SVEP1: variants seen among roughly 807,000 people sequenced by gnomAD.
SVEP1 encodes the protein sushi, von Willebrand factor type A, EGF and pentraxin domain-containing protein 1.
In SVEP1, 164 loss-of-function variants were observed where a neutral mutation model predicts 367.3. That is an observed-to-expected ratio of 0.45 (90% CI 0.39 to 0.51). SVEP1 has a LOEUF of 0.51. SVEP1 is among the 20% of genes least tolerant of loss of function. The pLI is 0.00. For missense variants in SVEP1, 4,117 were observed against 4,425.3 expected (o/e 0.93, Z 1.98); for synonymous variants, 1,666 against 1,611.6 (o/e 1.03, Z -0.81).
chr9:110,370,022 AT>A lies in SVEP1; in HGVS notation c.10601-7del, dbSNP rs1433085867. 1.5e-5 allele frequency: 24 copies of A among 1,611,166 alleles called. No individual in the cohort carries two copies. In the Admixed American group the frequency reaches 4.0e-4, roughly 27 times the overall value. ...GCAGGGAGACTGGCAAACAGCTGGA[AT>A]AAAAAACCCATGCATTTATTTAATT... On this transcript the variant is annotated splice_region_variant and splice_polypyrimidine_tract_variant and intron_variant, in intron 46 of 47. Transcript: ENST00000374469.
chr9:110,520,889 C>T (rs1251727811), intron 3 of SVEP1, among the ~76,000 whole-genome samples: 1 of 152,184 alleles, frequency 6.6e-6, no homozygotes, highest in Non-Finnish European at 1.5e-5. Context: ...GCTGTGCACT[C>T]CACAACTTCA....
chr9:110,436,548 A>T (rs1263796262), intron 27 of SVEP1, 44 bp from the exon 28 acceptor site: 1 of 1,585,464 alleles, frequency 6.3e-7, no homozygotes, highest in Non-Finnish European at 8.6e-7. Flanking sequence ...AACTGGCCTG[A>T]TGGTCTGTTA....
At chr9:110,477,170 G>T (rs924517036) in intron 13 of SVEP1, among the ~76,000 whole-genome samples, 13 of 151,990 alleles carry the variant, frequency 8.6e-5, no homozygotes, top group Non-Finnish European at 1.6e-4. Flanking sequence ...CCTTGTCATT[G>T]TCAGAAACTG....
At chr9:110,484,286 A>G (rs1395094135) in intron 9 of SVEP1, among the ~76,000 whole-genome samples, 1 of 152,190 alleles carries the variant, frequency 6.6e-6, no homozygotes, top group Non-Finnish European at 1.5e-5. Flanking sequence ...CTAGATGAAG[A>G]CAAAGAAAAG....
rs556929917 is a variant in SVEP1, at chr9:110,523,033, C to T, written c.965-8927G>A. On this transcript the variant is annotated intron_variant, in intron 3 of 47. Transcript: ENST00000374469. ...TGCTTTTATCATGCCACTTTTCTGCCCCAAGATCTTCAATCGCTCACTATT... is the reference window on the plus strand; with the variant it reads ...TGCTTTTATCATGCCACTTTTCTGCTCCAAGATCTTCAATCGCTCACTATT... Among the ~76,000 whole-genome samples, 25 of 152,214 alleles carry T rather than the reference C, an allele frequency of 1.6e-4. No homozygotes were observed. The South Asian group carries it at 4.8e-3, about 29-fold the overall frequency.
At chr9:110,430,621 A>G (rs1026895864) in intron 32 of SVEP1, among the ~76,000 whole-genome samples, 171 bp from the exon 33 acceptor site, 1 of 152,230 alleles carries the variant, frequency 6.6e-6, no homozygotes, top group Non-Finnish European at 1.5e-5. Context: ...AGACCAGAAC[A>G]TACATTTAAT....
rs1008158206 is a variant in SVEP1 at position 110,546,231 on chromosome 9, T to G, written c.848A>C (p.Glu283Ala). 7 of 1,589,846 alleles carry G rather than the reference T, an allele frequency of 4.4e-6. No homozygotes were observed. Among genetic ancestry groups the G allele is most frequent in the African/African-American group, 1.3e-5 (1 of 74,538 alleles). ...CATTCGGTCACAGCAGTCCTTGCCT[T>G]CATCACAAAGATATGAGCAGTGGAC... Reference protein sequence around the residue: ...DMVHCSYLCDEGKDCCDRMGS... With the variant: ...DMVHCSYLCDAGKDCCDRMGS... The change falls in exon 3 of 48, where the codon GAA (glutamate) becomes GCA (alanine). Residue 283 changes from glutamate (E) to alanine (A), a missense_variant. Glu to Ala is a moderately radical substitution (Grantham distance 107, BLOSUM62 -1). Coordinates refer to ENST00000374469, the MANE Select transcript of SVEP1 (RefSeq NM_153366.4).
chr9:110,483,693 T>A lies in SVEP1; in HGVS notation c.1931A>T (p.Asp644Val). ...ASCIFHIKVI[D>V]AEPPVIDWCR... ...CCAGTCTATGACAGGTGGTTCTGCA[T>A]CTGAAGAACATGAAATCAGACAAAG... Residue 644 changes from aspartate (D) to valine (V), a missense_variant and splice_region_variant, in exon 10 of 48, where the codon GAT (aspartate) becomes GTT (valine). By Grantham distance (152) the Asp-to-Val change is radical. Around this residue, in one of 4 missense-constraint regions of SVEP1, gnomAD observed 2,174 missense variants for 2,494.3 expected, o/e 0.87. Transcript: ENST00000374469. 1.3e-6 allele frequency: 2 copies of A among 1,582,772 alleles called. No individual in the cohort carries two copies. The highest frequency in any genetic ancestry group is 1.7e-6 in the Non-Finnish European group (2 of 1,165,762).
chr9:110,548,981 A>G (rs1223542496), intron 2 of SVEP1, among the ~76,000 whole-genome samples: 1 of 152,174 alleles, frequency 6.6e-6, no homozygotes, highest in African/African-American at 2.4e-5. Flanking sequence ...TTTTAAAAAG[A>G]AACTCCAGTA....
At chr9:110,545,968 T>C (rs937743818) in intron 3 of SVEP1, 147 bp downstream of exon 3, 5 of 990,010 alleles carry the variant, frequency 5.1e-6, no homozygotes, top group Non-Finnish European at 5.9e-6. Context: ...AATAAATGAG[T>C]CAGCACAGCT....
In SVEP1 at chr9:110,366,414, G is replaced by T; in HGVS notation, c.*125C>A. On this transcript the variant is annotated 3_prime_UTR_variant, in exon 48 of 48. Coordinates refer to ENST00000374469, the MANE Select transcript of SVEP1 (RefSeq NM_153366.4). ...CACAAAATAAAAAAAGTAACCCCAA[G>T]TAACAAGTTTACTAAACAAGACCCA... The T allele has an allele frequency of 1.1e-6, 1 of 923,596 alleles. No individual in the cohort carries two copies. Among genetic ancestry groups the T allele is most frequent in the Non-Finnish European group, 1.5e-6 (1 of 669,462 alleles). The allele number at this position is 923,596 out of a possible 1,614,324, so 57.2% of individuals were successfully genotyped here.
intron 1 of SVEP1, 68 bp from the exon 2 acceptor site, chr9:110,550,172 C>G: frequency 1.3e-6 from 2 of 1,578,604 alleles, no homozygotes; most frequent in South Asian, 1.2e-5. Context: ...TCTCTTCTTA[C>G]GTAAGGCAGT....
chr9:110,462,182 A>G (rs980822785), intron 18 of SVEP1, among the ~76,000 whole-genome samples: 3 of 152,246 alleles, frequency 2.0e-5, no homozygotes, highest in Non-Finnish European at 4.4e-5. Context: ...AAGATGCTCA[A>G]AAAGAAAAGA....
Position 110,499,074 on chromosome 9 carries a change from A to C in SVEP1, c.1648T>G (p.Trp550Gly). 6.2e-7 allele frequency: 1 copy of C among 1,613,662 alleles called. No homozygotes were observed. The highest frequency in any genetic ancestry group is 8.5e-7 in the Non-Finnish European group (1 of 1,179,756). Residue 550 changes from tryptophan (W) to glycine (G), a missense_variant, in exon 7 of 48, where the codon TGG becomes GGG. Transcript: ENST00000374469. Reference sequence around the variant, plus strand: ...ACAGCTGCCTGAACTCCGACATTCCATTTTCCAGAAGTGGTACATCTCAGC... The same window carrying C: ...ACAGCTGCCTGAACTCCGACATTCCCTTTTCCAGAAGTGGTACATCTCAGC... ...EMLRCTTSGK[W>G]NVGVQAAVCK... is the part of the protein sequence containing the mutation.
At chr9:110,486,791 T>C (rs10980408) in intron 9 of SVEP1, among the ~76,000 whole-genome samples, 8,257 of 152,006 alleles carry the variant, frequency 0.054, 305 homozygotes, top group African/African-American at 0.11. Flanking sequence ...AATACAGGTG[T>C]GCGCCACCAC....
intron 46 of SVEP1, among the ~76,000 whole-genome samples, chr9:110,371,870 C>CA (rs879708772): frequency 0.016 from 2,367 of 152,302 alleles, no homozygotes; most frequent in African/African-American, 0.054. Flanking sequence ...ATGAATCTCT[C>CA]TATTGTAAGT....
At chr9:110,461,184 G>C (rs1193051449) in intron 18 of SVEP1, among the ~76,000 whole-genome samples, 1 of 152,148 alleles carries the variant, frequency 6.6e-6, no homozygotes. Flanking sequence ...CATAAAACAA[G>C]CTCGGGTTTT....
chr9:110,429,135 A>G lies in SVEP1; in HGVS notation c.5807+8T>C. On this transcript the variant is annotated splice_region_variant and intron_variant, in intron 35 of 47. Transcript: ENST00000374469. ...GTAGAAAGCTTGGTTGGTGTCTACA[A>G]ATGTTACCTGTATCCTGTATCGCAT... The G allele has an allele frequency of 3.2e-6, 5 of 1,561,342 alleles. No individual in the cohort carries two copies. Among genetic ancestry groups the G allele is most frequent in the Non-Finnish European group, 3.5e-6 (4 of 1,156,174 alleles).
At chr9:110,575,179 C>A (rs1183473309) in intron 1 of SVEP1, among the ~76,000 whole-genome samples, 2 of 152,188 alleles carry the variant, frequency 1.3e-5, no homozygotes, top group Non-Finnish European at 1.5e-5. Context: ...ACAAATGGAT[C>A]CAGGCTGAAG....
Sources: gnomAD v4.1 joint callset for allele counts (sites outside exome capture counted in the v4.1 genomes callset) on GRCh38, gnomAD v4.1.1 for gene constraint, gnomAD v4.1.1 regional missense constraint, MANE v1.5 for transcripts, NCBI Gene and HGNC (gene_info 2026-07-23, HGNC 2026-07-21) for gene names.